LHFPL2: variants seen among roughly 807,000 people sequenced by gnomAD.
LHFPL2 encodes the protein LHFPL tetraspan subfamily member 2 protein.
LHFPL2 carries 7 observed loss-of-function variants against 17.5 expected under a neutral mutation model. That is an observed-to-expected ratio of 0.40 (90% confidence interval 0.23 to 0.75). LHFPL2 has a LOEUF of 0.75. Ranked by LOEUF, LHFPL2 falls within the 30% of genes least tolerant of loss-of-function variation. LHFPL2 has a pLI of 0.37. For synonymous variants in LHFPL2, 134 were observed against 116.2 expected (o/e 1.15, Z -0.99); for missense variants, 241 against 294.8 (o/e 0.82, Z 1.34).
chr5:78,619,691 C>T (rs1383004611), intron 2 of LHFPL2, among the ~76,000 whole-genome samples: 2 of 136,990 alleles, frequency 1.5e-5, no homozygotes, highest in African/African-American at 5.4e-5. Flanking sequence ...GTAATGATCC[C>T]CTTCCTGTGT....
chr5:78,584,869 A>G (rs1320674802), intron 2 of LHFPL2, among the ~76,000 whole-genome samples: 3 of 148,678 alleles, frequency 2.0e-5, no homozygotes, highest in African/African-American at 7.5e-5. Context: ...AATGGCGGGC[A>G]CCCCTCCCCC....
At chr5:78,527,300 T>C (rs1446025202) in intron 3 of LHFPL2, among the ~76,000 whole-genome samples, 1 of 150,658 alleles carries the variant, frequency 6.6e-6, no homozygotes, top group African/African-American at 2.4e-5. Flanking sequence ...CAGTTCTGTC[T>C]GGAAATCAGG....
chr5:78,568,473 A>G (rs1473865820), intron 2 of LHFPL2, among the ~76,000 whole-genome samples: 1 of 152,156 alleles, frequency 6.6e-6, no homozygotes, highest in Admixed American at 6.5e-5. Flanking sequence ...ATTGAATTGA[A>G]TTGCCAAAAA....
At chr5:78,588,396 T>A (rs1183162345) in intron 2 of LHFPL2, among the ~76,000 whole-genome samples, 2 of 152,218 alleles carry the variant, frequency 1.3e-5, no homozygotes, top group Non-Finnish European at 2.9e-5. Flanking sequence ...CTCTTCTATC[T>A]TTCATTCTAT....
At chr5:78,525,552 T>A (rs1439521374) in intron 3 of LHFPL2, among the ~76,000 whole-genome samples, 2 of 152,228 alleles carry the variant, frequency 1.3e-5, no homozygotes, top group African/African-American at 4.8e-5. Flanking sequence ...CAAAGGCTAG[T>A]GTGTTAGAAA....
In LHFPL2 at chr5:78,524,208, T is replaced by C. The variant is rs535265308; in HGVS notation, c.-185-13810A>G. Among the ~76,000 whole-genome samples the C allele has an allele frequency of 4.6e-5, 7 of 152,294 alleles. No individual in the cohort carries two copies. In the South Asian group the frequency reaches 1.4e-3, roughly 32 times the overall value. On this transcript the variant is annotated intron_variant, in intron 3 of 4. Coordinates refer to ENST00000380345, the MANE Select transcript of LHFPL2 (RefSeq NM_005779.3). Reference sequence around the variant, plus strand: ...TGCTCACCTTGCGCCCAGGTTATGCTCCTCGGCCTCACAGCCTTTTCCCTT... The same window carrying C: ...TGCTCACCTTGCGCCCAGGTTATGCCCCTCGGCCTCACAGCCTTTTCCCTT...
chr5:78,573,703 A>G (rs1178286403), intron 2 of LHFPL2, among the ~76,000 whole-genome samples: 1 of 152,180 alleles, frequency 6.6e-6, no homozygotes, highest in Non-Finnish European at 1.5e-5. Flanking sequence ...TGAAGAAAGC[A>G]CTCACTGTTG....
chr5:78,534,335 C>T (rs1283182563), intron 3 of LHFPL2, among the ~76,000 whole-genome samples: 2 of 152,120 alleles, frequency 1.3e-5, no homozygotes, highest in African/African-American at 4.8e-5. Context: ...GAGAAATGGC[C>T]GGGAGTCCAG....
At chr5:78,547,808 G>T (rs1334480638) in intron 3 of LHFPL2, among the ~76,000 whole-genome samples, 2 of 152,264 alleles carry the variant, frequency 1.3e-5, no homozygotes, top group Non-Finnish European at 2.9e-5. Context: ...CATGACGTAG[G>T]TCTCACTGTG....
chr5:78,491,759 A>G (rs74840075), intron 4 of LHFPL2, among the ~76,000 whole-genome samples: 3,121 of 152,302 alleles, frequency 0.02, 115 homozygotes, highest in African/African-American at 0.07. Flanking sequence ...CTGTTCTACC[A>G]TCGTAACAAA....
chr5:78,537,466 A>G (rs1424648653), intron 3 of LHFPL2, among the ~76,000 whole-genome samples: 3 of 152,218 alleles, frequency 2.0e-5, no homozygotes, highest in African/African-American at 7.2e-5. Flanking sequence ...GCTTTGCCCA[A>G]TTAGAAAGAT....
At chr5:78,515,944 G>C (rs958601916) in intron 3 of LHFPL2, among the ~76,000 whole-genome samples, 2 of 152,228 alleles carry the variant, frequency 1.3e-5, no homozygotes, top group African/African-American at 4.8e-5. Context: ...AGGGCCCAGT[G>C]ACTGTAGGGA....
chr5:78,519,934 C>T (rs887599263), intron 3 of LHFPL2, among the ~76,000 whole-genome samples: 4 of 152,212 alleles, frequency 2.6e-5, no homozygotes, highest in Admixed American at 6.5e-5. Context: ...GGATGTAACA[C>T]AGAGCTGGAA....
chr5:78,525,072 A>G (rs75880250), intron 3 of LHFPL2, among the ~76,000 whole-genome samples: 278 of 152,316 alleles, frequency 1.8e-3, no homozygotes, highest in African/African-American at 6.4e-3. Flanking sequence ...GATGGTTAGC[A>G]GCATTCCTAG....
At chr5:78,638,369 T>C (rs1745537495) in intron 1 of LHFPL2, among the ~76,000 whole-genome samples, 1 of 151,934 alleles carries the variant, frequency 6.6e-6, no homozygotes, top group South Asian at 2.1e-4. Flanking sequence ...ATAATAACAA[T>C]AATAAATAAT....
intron 2 of LHFPL2, among the ~76,000 whole-genome samples, chr5:78,612,420 C>T (rs1208726905): frequency 6.6e-6 from 1 of 152,190 alleles, no homozygotes; most frequent in African/African-American, 2.4e-5. Flanking sequence ...AATATGACTA[C>T]TATTTATCCA....
intron 3 of LHFPL2, among the ~76,000 whole-genome samples, chr5:78,542,717 T>A (rs1005369145): frequency 6.6e-6 from 1 of 152,096 alleles, no homozygotes; most frequent in Non-Finnish European, 1.5e-5. Flanking sequence ...CTGGGCCACT[T>A]TGATGGTATA....
chr5:78,612,658 C>G (rs547378186), intron 2 of LHFPL2, among the ~76,000 whole-genome samples: 197 of 152,358 alleles, frequency 1.3e-3, no homozygotes, highest in Middle Eastern at 6.8e-3. Context: ...GGCACACTTC[C>G]TCTACATAAA....
chr5:78,555,983 T>C (rs1756562857), intron 3 of LHFPL2, among the ~76,000 whole-genome samples: 1 of 152,142 alleles, frequency 6.6e-6, no homozygotes, highest in South Asian at 2.1e-4. Flanking sequence ...CTGTCTGCCC[T>C]GAACAGGCAG....
Sources: gnomAD v4.1 joint callset for allele counts (sites outside exome capture counted in the v4.1 genomes callset) on GRCh38, gnomAD v4.1.1 for gene constraint, MANE v1.5 for transcripts, NCBI Gene and HGNC (gene_info 2026-07-23, HGNC 2026-07-21) for gene names.